Variants in TYW1B observed in about 807,000 individuals in gnomAD.
The protein encoded by TYW1B is tRNA-yW synthesizing protein 1 homolog B.
TYW1B carries 73 observed loss-of-function variants against 86.9 expected under a neutral mutation model. The ratio of observed to expected loss-of-function variants is 0.84; its 90% confidence interval spans 0.70 to 1.02. The LOEUF is 1.02. Ranked by LOEUF, TYW1B falls within the 50% of genes least tolerant of loss-of-function variation. The pLI, the probability that TYW1B is intolerant of heterozygous loss-of-function variation, is 0.00. For missense variants in TYW1B, 637 were observed against 827.4 expected (o/e 0.77, Z 2.82); for synonymous variants, 248 against 292.8 (o/e 0.85, Z 1.56).
intron 2 of TYW1B, among the ~76,000 whole-genome samples, chr7:72,826,499 A>G (rs868993755): frequency 7.9e-5 from 12 of 152,280 alleles, no homozygotes; most frequent in Middle Eastern, 6.8e-3. Context: ...TTATCCTATA[A>G]GGTATTTTAG....
chr7:72,730,584 GA>G (rs1442814245), intron 8 of TYW1B, among the ~76,000 whole-genome samples: 1 of 148,782 alleles, frequency 6.7e-6, no homozygotes, highest in Non-Finnish European at 1.5e-5. Flanking sequence ...AAAAGAAAAG[GA>G]AAAGAAGAAG....
chr7:72,683,625 C>A (rs1813933516), intron 11 of TYW1B, among the ~76,000 whole-genome samples: 1 of 152,214 alleles, frequency 6.6e-6, no homozygotes, highest in Non-Finnish European at 1.5e-5. Context: ...CTACAGAATG[C>A]TTCCCTTCCC....
At chr7:72,582,954 AT>A (rs534245256) in intron 13 of TYW1B, among the ~76,000 whole-genome samples, 25 of 152,340 alleles carry the variant, frequency 1.6e-4, no homozygotes, top group African/African-American at 4.8e-4. Context: ...TGCAAAAAAA[AT>A]CATCTAAACA....
chr7:72,822,545 C>A (rs1788849207), intron 2 of TYW1B, among the ~76,000 whole-genome samples: 1 of 152,302 alleles, frequency 6.6e-6, no homozygotes, highest in African/African-American at 2.4e-5. Context: ...ATTAGCAATA[C>A]TAACATGCTG....
intron 13 of TYW1B, among the ~76,000 whole-genome samples, chr7:72,615,683 C>A (rs1424975096): frequency 9.9e-5 from 15 of 152,046 alleles, no homozygotes. Flanking sequence ...ACTTCCAGTA[C>A]TCAAGAAGAT....
chr7:72,725,046 G>A (rs1339320926), intron 9 of TYW1B, among the ~76,000 whole-genome samples: 1 of 152,144 alleles, frequency 6.6e-6, no homozygotes, highest in African/African-American at 2.4e-5. Context: ...TTAAGCCTAA[G>A]GTCACTACTG....
chr7:72,674,240 C>A (rs1323535840), intron 11 of TYW1B, among the ~76,000 whole-genome samples: 6 of 152,138 alleles, frequency 3.9e-5, no homozygotes, highest in Non-Finnish European at 7.3e-5. Flanking sequence ...TTGGCAGCAA[C>A]CTCCCAGGTT....
rs1441642027 is a variant in TYW1B at position 72,799,546 on chromosome 7, A to C, written c.846+2854T>G. Among the ~76,000 whole-genome samples, 7 of 151,278 alleles carry C rather than the reference A, an allele frequency of 4.6e-5. 1 individual carries two copies. Among genetic ancestry groups the C allele is most frequent in the African/African-American group, 1.7e-4 (7 of 41,140 alleles). ...AGTGGCGCGATCTCGGCTCACTACA[A>C]GCTCTGCCTCCCAGGTTCACGCCAT... On this transcript the variant is annotated intron_variant, in intron 6 of 13. Transcript: ENST00000620995.
chr7:72,670,215 G>C (rs1169950041), intron 11 of TYW1B, among the ~76,000 whole-genome samples: 1 of 152,166 alleles, frequency 6.6e-6, no homozygotes, highest in Non-Finnish European at 1.5e-5. Context: ...TTTTGAGACT[G>C]AGTTCCACTC....
chr7:72,575,851 C>T, intron 13 of TYW1B, 132 bp from the exon 14 acceptor site: 1 of 1,391,244 alleles, frequency 7.2e-7, no homozygotes, highest in African/African-American at 1.5e-5. Flanking sequence ...CAAAAACAAA[C>T]ACAAAAAAAC....
chr7:72,799,966 T>C (rs1418055018), intron 6 of TYW1B, among the ~76,000 whole-genome samples: 1 of 152,196 alleles, frequency 6.6e-6, no homozygotes, highest in Non-Finnish European at 1.5e-5. Context: ...CTCCAGGTTA[T>C]ACAATAATCC....
intron 8 of TYW1B, 55 bp from the exon 9 acceptor site, chr7:72,728,986 G>A: frequency 6.6e-7 from 1 of 1,516,278 alleles, no homozygotes. Context: ...ATCTGGGCTA[G>A]TCATTTATGA....
At chr7:72,630,114 A>G (rs1249816534) in intron 11 of TYW1B, among the ~76,000 whole-genome samples, 7 of 152,014 alleles carry the variant, frequency 4.6e-5, no homozygotes, top group Non-Finnish European at 1.0e-4. Flanking sequence ...CCCCACCTCT[A>G]CTAAAAATAC....
At chr7:72,688,065 A>G (rs188658103) in intron 11 of TYW1B, among the ~76,000 whole-genome samples, 1 of 152,304 alleles carries the variant, frequency 6.6e-6, no homozygotes, top group East Asian at 1.9e-4. Context: ...AGTTGCAAAA[A>G]TATGTACAAC....
chr7:72,826,303 G>T (rs535287844), intron 2 of TYW1B, among the ~76,000 whole-genome samples: 1 of 152,286 alleles, frequency 6.6e-6, no homozygotes, highest in East Asian at 1.9e-4. Context: ...GGGATGAAAG[G>T]TAGCACAGAT....
At chr7:72,804,471 G>A (rs563907466) in intron 5 of TYW1B, among the ~76,000 whole-genome samples, 2 of 152,128 alleles carry the variant, frequency 1.3e-5, no homozygotes, top group South Asian at 4.2e-4. Flanking sequence ...CAGATGATAG[G>A]ATTATCACGG....
chr7:72,763,271 TC>T, intron 7 of TYW1B, among the ~76,000 whole-genome samples: 1 of 134,592 alleles, frequency 7.4e-6, no homozygotes, highest in Non-Finnish European at 1.5e-5. Context: ...TTTTGTTTTT[TC>T]TTTTCTTTTC....
chr7:72,738,924 T>A (rs1232144029), intron 8 of TYW1B, among the ~76,000 whole-genome samples: 2 of 151,562 alleles, frequency 1.3e-5, no homozygotes, highest in Admixed American at 1.3e-4. Context: ...AAAAAAAAAA[T>A]AATAATAATA....
intron 6 of TYW1B, among the ~76,000 whole-genome samples, chr7:72,789,598 C>G (rs1171914613): frequency 1.3e-5 from 2 of 152,096 alleles, no homozygotes; most frequent in African/African-American, 2.4e-5. Flanking sequence ...TAGAAAATAA[C>G]TATAATGTTA....
Sources: allele counts gnomAD v4.1 joint callset (sites outside exome capture counted in the v4.1 genomes callset), GRCh38; gene constraint gnomAD v4.1.1; transcripts MANE v1.5; gene names NCBI Gene and HGNC (gene_info 2026-07-23, HGNC 2026-07-21).